Variants in CAST observed in about 807,000 individuals in gnomAD.
CAST encodes the protein calpastatin.
A neutral mutation model predicts 119.6 loss-of-function variants in CAST; 76 were observed. The ratio of observed to expected loss-of-function variants is 0.64; its 90% CI spans 0.53 to 0.77. CAST has a LOEUF of 0.77. CAST is among the 30% of genes least tolerant of loss of function. CAST has a pLI of 0.00. For synonymous variants in CAST, 319 were observed against 331.6 expected (o/e 0.96, Z 0.41); for missense variants, 953 against 946.5 (o/e 1.01, Z -0.09).
the CAST span, among the ~76,000 whole-genome samples, chr5:96,447,117 A>G: frequency 6.6e-6 from 1 of 152,134 alleles, no homozygotes; most frequent in East Asian, 1.9e-4. Flanking sequence ...GTGTGGCAGC[A>G]CTCTTGGATA....
At chr5:96,649,494 G>A (rs764732473) in intron 1 of CAST, among the ~76,000 whole-genome samples, 39 of 152,278 alleles carry the variant, frequency 2.6e-4, no homozygotes, top group Non-Finnish European at 4.3e-4. Flanking sequence ...TGAAGTCAAC[G>A]GGCCTGATTT....
the CAST span, among the ~76,000 whole-genome samples, chr5:95,991,460 G>A: frequency 2.2e-5 from 3 of 136,430 alleles, no homozygotes; most frequent in Non-Finnish European, 3.1e-5. Flanking sequence ...ACATTCTAAT[G>A]TTCAGAGTAG....
chr5:96,757,610 G>A lies in CAST; in HGVS notation c.1789G>A (p.Ala597Thr). ...PPMSEDFLLDALSEDFSGPQN... is the reference protein window; with the variant it reads ...PPMSEDFLLDTLSEDFSGPQN... ...CATGAGTGAAGACTTCCTTCTGGAT[G>A]CTTTGTCTGAGGACTTCTCTGGTCC... The change falls in exon 24 of 32, where the codon GCT (alanine) becomes ACT (threonine). Residue 597 changes from alanine (A) to threonine (T), a missense_variant. Transcript: ENST00000675179. The A allele has an allele frequency of 1.9e-6, 3 of 1,613,670 alleles. No individual in the cohort carries two copies. The highest frequency in any genetic ancestry group is 2.5e-6 in the Non-Finnish European group (3 of 1,179,826).
the CAST span, among the ~76,000 whole-genome samples, chr5:96,427,754 G>C: frequency 6.6e-6 from 1 of 152,152 alleles, no homozygotes; most frequent in Non-Finnish European, 1.5e-5. Context: ...AGTTCTATGT[G>C]CATTAATGGG....
chr5:96,742,236 A>G (rs11750399), intron 15 of CAST: 15,194 of 161,582 alleles, frequency 0.094, 931 homozygotes, highest in Middle Eastern at 0.15. Context: ...AGCAGGGGCC[A>G]CTTCAAGCTT....
At chr5:96,632,215 G>T (rs768900691) in intron 1 of CAST, among the ~76,000 whole-genome samples, 89 of 151,648 alleles carry the variant, frequency 5.9e-4, no homozygotes, top group Non-Finnish European at 1.1e-3. Flanking sequence ...TGAGTTGGAA[G>T]AGTTGTTGAT....
chr5:96,444,151 A>G, the CAST span, among the ~76,000 whole-genome samples: 1 of 152,206 alleles, frequency 6.6e-6, no homozygotes, highest in African/African-American at 2.4e-5. Context: ...GAGCTTGTAA[A>G]GACTAACTGG....
the CAST span, among the ~76,000 whole-genome samples, chr5:96,037,408 A>G: frequency 6.6e-6 from 1 of 152,164 alleles, no homozygotes; most frequent in African/African-American, 2.4e-5. Context: ...TTGAACTGAC[A>G]TTAATATCTT....
the CAST span, among the ~76,000 whole-genome samples, chr5:96,452,160 T>C: frequency 2.0e-5 from 3 of 152,160 alleles, no homozygotes; most frequent in Non-Finnish European, 4.4e-5. Flanking sequence ...CAAAAGATTA[T>C]AAATCATTCT....
intron 1 of CAST, among the ~76,000 whole-genome samples, chr5:96,541,134 C>T (rs1273819011): frequency 1.3e-5 from 2 of 152,072 alleles, no homozygotes; most frequent in Non-Finnish European, 2.9e-5. Context: ...GTATGAGAAA[C>T]TTGTGTCCTC....
chr5:96,098,190 A>C, the CAST span, among the ~76,000 whole-genome samples: 1 of 152,024 alleles, frequency 6.6e-6, no homozygotes, highest in African/African-American at 2.4e-5. Flanking sequence ...TTTCTTGTAA[A>C]TTTGTTTAAG....
intron 1 of CAST, among the ~76,000 whole-genome samples, chr5:96,587,628 C>A (rs1436790894): frequency 6.6e-6 from 1 of 152,106 alleles, no homozygotes; most frequent in Non-Finnish European, 1.5e-5. Flanking sequence ...GAATACTGAA[C>A]ATACTTAATC....
At chr5:96,507,574 G>C in the CAST span, among the ~76,000 whole-genome samples, 2 of 152,116 alleles carry the variant, frequency 1.3e-5, no homozygotes, top group African/African-American at 4.8e-5. Flanking sequence ...CTGAATATTA[G>C]AGCTGGGAGA....
the CAST span, among the ~76,000 whole-genome samples, chr5:96,398,091 G>T: frequency 6.6e-6 from 1 of 152,068 alleles, no homozygotes; most frequent in Non-Finnish European, 1.5e-5. Context: ...TTAAATAACT[G>T]CAGGTCTATC....
the CAST span, among the ~76,000 whole-genome samples, chr5:96,414,137 TAAA>T: frequency 8.0e-6 from 1 of 124,744 alleles, no homozygotes. Context: ...AGACTCTGTC[TAAA>T]AAAAAAAAAA....
intron 3 of CAST, among the ~76,000 whole-genome samples, chr5:96,698,570 C>T (rs1020451706): frequency 2.6e-4 from 40 of 152,286 alleles, no homozygotes; most frequent in African/African-American, 9.6e-4. Flanking sequence ...AACGTAATTG[C>T]TTATTTCTTC....
At chr5:96,450,098 T>C in the CAST span, among the ~76,000 whole-genome samples, 1 of 152,248 alleles carries the variant, frequency 6.6e-6, no homozygotes, top group East Asian at 1.9e-4. Context: ...TTTTATCAAA[T>C]GCACTTGTAT....
At chr5:96,404,882 T>C in the CAST span, among the ~76,000 whole-genome samples, 1 of 152,178 alleles carries the variant, frequency 6.6e-6, no homozygotes, top group Non-Finnish European at 1.5e-5. Context: ...ATATTGTATA[T>C]AAAGAGGCCA....
At chr5:96,181,831 A>G in the CAST span, among the ~76,000 whole-genome samples, 652 of 152,374 alleles carry the variant, frequency 4.3e-3, 4 homozygotes, top group African/African-American at 0.015. Context: ...ATATGCAGAC[A>G]TTAAAATAGA....
Sources: allele counts gnomAD v4.1 joint callset (sites outside exome capture counted in the v4.1 genomes callset), GRCh38; gene constraint gnomAD v4.1.1; transcripts MANE v1.5; gene names NCBI Gene and HGNC (gene_info 2026-07-23, HGNC 2026-07-21).